MX1: variants seen among roughly 807,000 people sequenced by gnomAD.
MX1 encodes the protein interferon-induced GTP-binding protein Mx1.
Under a neutral mutation model 66.4 loss-of-function variants are expected in MX1, and 66 were observed. The observed-to-expected ratio is 0.99, with a 90% confidence interval of 0.82 to 1.22. MX1 has a LOEUF of 1.22. Among genes scored for constraint, MX1 ranks in the 50% most tolerant of loss-of-function variants. MX1 has a pLI of 0.00. For missense variants in MX1, 787 were observed against 834.3 expected, an observed-to-expected ratio of 0.94 and a Z score of 0.70; for synonymous variants, 311 against 318.1, an observed-to-expected ratio of 0.98 and a Z score of 0.24.
intron 16 of MX1, 22 bp from the exon 17 acceptor site, chr21:41,458,506 G>T (rs768343250): frequency 2.7e-5 from 37 of 1,383,670 alleles, no homozygotes; most frequent in African/African-American, 3.5e-5. Context: ...CCACCCTCCC[G>T]TGAACTGTTC....
chr21:41,440,748 C>T, intron 8 of MX1, 139 bp from the exon 9 acceptor site: 4 of 982,444 alleles, frequency 4.1e-6, no homozygotes, highest in Non-Finnish European at 6.4e-6. Context: ...TTTGTGGGTT[C>T]ATTTCTCCAA....
chr21:41,445,413 A>G, intron 11 of MX1, 35 bp from the exon 12 acceptor site: 1 of 1,612,408 alleles, frequency 6.2e-7, no homozygotes, highest in Non-Finnish European at 8.5e-7. Flanking sequence ...GTTCATCTTT[A>G]CACATTTCCA....
upstream of MX1, among the ~76,000 whole-genome samples, chr21:41,425,517 T>C (rs1031575417): frequency 6.6e-6 from 1 of 152,216 alleles, no homozygotes; most frequent in Non-Finnish European, 1.5e-5. Flanking sequence ...CATCTGGATG[T>C]ATACCTGCAA....
At chr21:41,447,079 G>T (rs2090684861) in intron 13 of MX1, among the ~76,000 whole-genome samples, 1 of 152,192 alleles carries the variant, frequency 6.6e-6, no homozygotes. Flanking sequence ...ACAGACTTGG[G>T]GGGGCTTAAA....
rs566547239 is a variant in MX1, at chr21:41,430,746, A to G, written c.-22+138A>G. ...TTGTCCTACAACATTTTAAAAATGAATTTCAAATACATACGTGTGTATTTG... is the reference window on the plus strand; with the variant it reads ...TTGTCCTACAACATTTTAAAAATGAGTTTCAAATACATACGTGTGTATTTG... On this transcript the variant is annotated intron_variant, in intron 4 of 16. Transcript: ENST00000398598. The G allele has an allele frequency of 5.9e-5, 9 of 152,344 alleles. No homozygotes were observed. The South Asian group carries it at 1.9e-3, about 32-fold the overall frequency. 9.4% of individuals were successfully genotyped at this position (152,344 alleles called of 1,614,324 possible).
intron 13 of MX1, among the ~76,000 whole-genome samples, chr21:41,446,678 A>AAATACGGTAT (rs2090672817): frequency 6.6e-6 from 1 of 152,244 alleles, no homozygotes; most frequent in Admixed American, 6.5e-5. Flanking sequence ...AATTTGTAAA[A>AAATACGGTAT]AATACGGTAT....
chr21:41,425,616 T>G (rs1318035092), upstream of MX1, among the ~76,000 whole-genome samples: 1 of 152,224 alleles, frequency 6.6e-6, no homozygotes, highest in African/African-American at 2.4e-5. Context: ...TTAAGCTTTA[T>G]TATTACTATT....
At chr21:41,425,561 CG>C (rs2090043458), upstream of MX1, among the ~76,000 whole-genome samples, 1 of 152,036 alleles carries the variant, frequency 6.6e-6, no homozygotes, top group South Asian at 2.1e-4. Flanking sequence ...GCCTGGGATG[CG>C]ATGGCCTGGC....
At chr21:41,452,959 G>GACCAACGTCACCT in intron 16 of MX1, 90 bp downstream of exon 16, 1 of 1,497,448 alleles carries the variant, frequency 6.7e-7, no homozygotes, top group Non-Finnish European at 9.0e-7. Flanking sequence ...CTCTGTAGGT[G>GACCAACGTCACCT]ACGTTGGTCA....
In MX1 at chr21:41,445,445, C is replaced by T; in HGVS notation, c.1009-3C>T. On this transcript the variant is annotated splice_polypyrimidine_tract_variant and splice_region_variant and intron_variant, in intron 11 of 16. Coordinates refer to ENST00000398598, the MANE Select transcript of MX1 (RefSeq NM_002462.5). ...TCCATTATTTTCTCTCCATTTTCCT[C>T]AGAAATCTCTGCCCCTGTTAGAAAA... 1 of 1,613,546 alleles carries T rather than the reference C, an allele frequency of 6.2e-7. No homozygotes were observed. Among genetic ancestry groups the T allele is most frequent in the African/African-American group, 1.3e-5 (1 of 74,964 alleles).
rs918481103 is a variant in MX1 at position 41,458,858 on chromosome 21, G to A, written c.*100G>A. 2.7e-6 allele frequency: 4 copies of A among 1,487,244 alleles called. No homozygotes were observed. Among genetic ancestry groups the A allele is most frequent in the Non-Finnish European group, 3.6e-6 (4 of 1,119,848 alleles). 92.1% of individuals were successfully genotyped at this position (1,487,244 alleles called of 1,614,324 possible). A position where few individuals can be genotyped will look rare whatever the true frequency, so the allele number is the denominator to read the frequency against. Reference sequence around the variant, plus strand: ...ACTTGAGTGCTCAGTAGTCAGACTGGATAGTCCGTCTCTGCTTATCCGTTA... The same window carrying A: ...ACTTGAGTGCTCAGTAGTCAGACTGAATAGTCCGTCTCTGCTTATCCGTTA... On this transcript the variant is annotated 3_prime_UTR_variant, in exon 17 of 17. Transcript: ENST00000398598.
Position 41,458,898 on chromosome 21 carries a change from G to A in MX1, c.*140G>A. ...CTTATCCGTTAGCCGTGGTGATTTA[G>A]CAGGAAGCTGTGAGAGCAGTTTGGT... On this transcript the variant is annotated 3_prime_UTR_variant, in exon 17 of 17. Coordinates refer to ENST00000398598, the MANE Select transcript of MX1 (RefSeq NM_002462.5). 1 of 1,414,616 alleles carries A rather than the reference G, an allele frequency of 7.1e-7. No homozygotes were observed. The highest frequency in any genetic ancestry group is 9.3e-7 in the Non-Finnish European group (1 of 1,076,600). 87.6% of individuals were successfully genotyped at this position (1,414,616 alleles called of 1,614,324 possible). A position where few individuals can be genotyped will look rare whatever the true frequency, so the allele number is the denominator to read the frequency against.
chr21:41,426,358 C>T (rs1178427868), intron 1 of MX1, 95 bp downstream of exon 1: 1 of 152,456 alleles, frequency 6.6e-6, no homozygotes, highest in East Asian at 1.9e-4. Context: ...GACTAGCGCT[C>T]CGGAGCACGG....
At chr21:41,449,616 C>T (rs1231258591) in intron 14 of MX1, 1 of 218,650 alleles carries the variant, frequency 4.6e-6, no homozygotes, top group Non-Finnish European at 8.9e-6. Flanking sequence ...ACCCATTCCT[C>T]AGGTCAACCA....
Position 41,449,118 on chromosome 21 carries a change from GT to G in MX1, c.1274-11del, listed in dbSNP as rs762627658. The G allele has an allele frequency of 2.1e-5, 33 of 1,558,086 alleles. No individual in the cohort carries two copies. The highest frequency in any genetic ancestry group is 1.1e-4 in the African/African-American group (8 of 71,700). On this transcript the variant is annotated intron_variant, in intron 13 of 16. Transcript: ENST00000398598. ...TTATTTTTGTAAAATAATTTAGAGGGTTTTTTTTCCTGCTATAGGCCATAAA... is the reference window on the plus strand; with the variant it reads ...TTATTTTTGTAAAATAATTTAGAGGGTTTTTTTCCTGCTATAGGCCATAAA...
At chr21:41,449,477 C>A (rs1443365697) in intron 14 of MX1, 182 bp downstream of exon 14, 7 of 583,424 alleles carry the variant, frequency 1.2e-5, no homozygotes, top group Non-Finnish European at 2.0e-5. Flanking sequence ...CACTAACTAC[C>A]CTCAGTCAGT....
At chr21:41,429,752 C>T (rs975736755) in intron 3 of MX1, 1 of 151,704 alleles carries the variant, frequency 6.6e-6, no homozygotes, top group African/African-American at 2.4e-5. Flanking sequence ...TAAATAAATA[C>T]AAAAAATTAG....
Position 41,441,893 on chromosome 21 carries a change from T to G in MX1, c.908T>G (p.Phe303Cys), listed in dbSNP as rs770523779. Residue 303 changes from phenylalanine (F) to cysteine (C), a missense_variant, in exon 10 of 17, where the codon TTT becomes TGT. By Grantham distance (205) the Phe-to-Cys change is radical. Transcript: ENST00000398598. This position sits in a 1 kb window ranked among gnomAD's most constrained non-coding sequence, Gnocchi z 4.0. ...SEALQREKIF[F>C]ENHPYFRDLL... Reference sequence around the variant, plus strand: ...GCCCTGCAGAGAGAGAAGATCTTCTTTGAGAACCACCCATATTTCAGGTGC... The same window carrying G: ...GCCCTGCAGAGAGAGAAGATCTTCTGTGAGAACCACCCATATTTCAGGTGC... 5 of 1,614,080 alleles carry G rather than the reference T, an allele frequency of 3.1e-6. No homozygotes were observed. The highest frequency in any genetic ancestry group is 4.2e-6 in the Non-Finnish European group (5 of 1,180,016).
intron 1 of MX1, 42 bp downstream of exon 1, chr21:41,426,305 G>C (rs890900203): frequency 6.5e-6 from 1 of 152,680 alleles, no homozygotes; most frequent in East Asian, 1.9e-4. Flanking sequence ...AACCGCGCTA[G>C]GAGCGCGGAG....
Sources: allele counts gnomAD v4.1 joint callset (sites outside exome capture counted in the v4.1 genomes callset), GRCh38; gene constraint gnomAD v4.1.1; non-coding constraint Gnocchi (gnomAD v3.1); transcripts MANE v1.5; gene names NCBI Gene and HGNC (gene_info 2026-07-23, HGNC 2026-07-21).